Variants in GLIPR2 observed in about 807,000 individuals in gnomAD.
The protein encoded by GLIPR2 is GLI pathogenesis related 2.
GLIPR2 carries 21 observed loss-of-function variants against 20.4 expected under a neutral mutation model. The ratio of observed to expected loss-of-function variants is 1.03; its 90% confidence interval spans 0.73 to 1.48. GLIPR2 has a LOEUF of 1.48. Ranked by LOEUF, GLIPR2 falls within the 40% of genes most tolerant of loss-of-function variation. GLIPR2 has a pLI of 0.00. For synonymous variants in GLIPR2, 91 were observed against 80.5 expected, an observed-to-expected ratio of 1.13 and a Z score of -0.70; for missense variants, 205 against 200.1, an observed-to-expected ratio of 1.02 and a Z score of -0.15.
chr9:36,150,918 C>T lies in GLIPR2; in HGVS notation c.273C>T (p.Asn91=), dbSNP rs1239930114. The change falls in exon 4 of 5, where the codon AAC becomes AAT. Residue 91 remains asparagine (N), a synonymous_variant. Transcript: ENST00000377960. ...GGTACAGTGAAATCAAGAACTATAA[C>T]TTCCAGCAGCCTGGCTTCACCTCGG... ...DRWYSEIKNY[N]FQQPGFTSGT... is the part of the protein sequence containing the mutation. The T allele has an allele frequency of 1.9e-6, 3 of 1,613,810 alleles. No individual in the cohort carries two copies. Among genetic ancestry groups the T allele is most frequent in the Non-Finnish European group, 2.5e-6 (3 of 1,179,832 alleles).
At chr9:36,148,259 AAC>A (rs997599455) in intron 2 of GLIPR2, among the ~76,000 whole-genome samples, 5 of 151,630 alleles carry the variant, frequency 3.3e-5, no homozygotes, top group African/African-American at 9.7e-5. Context: ...AAAAAAAAAA[AAC>A]GTTGGGGGGC....
rs1825554196 is a variant in GLIPR2 at position 36,150,859 on chromosome 9, C to CT, written c.227-13_227-12insT. The CT allele has an allele frequency of 1.2e-6, 2 of 1,601,008 alleles. No homozygotes were observed. Among genetic ancestry groups the CT allele is most frequent in the Admixed American group, 3.4e-5 (2 of 59,616 alleles). On this transcript the variant is annotated splice_polypyrimidine_tract_variant and intron_variant, in intron 3 of 4. Coordinates refer to ENST00000377960, the MANE Select transcript of GLIPR2 (RefSeq NM_022343.4). ...TTGTGGCTGAGTTTTAGAACAATGT[C>CT]ATTTCCACACAGGAAAGGAGGTGGC...
Position 36,147,857 on chromosome 9 carries a change from C to G in GLIPR2, c.85C>G (p.Leu29Val). The change falls in exon 2 of 5, where the codon CTG becomes GTG. Residue 29 changes from leucine (L) to valine (V), a missense_variant. Transcript: ENST00000377960. ...EYRQKHGVPPLKLCKNLNREA... is the reference protein window; with the variant it reads ...EYRQKHGVPPVKLCKNLNREA... Reference sequence around the variant, plus strand: ...CCGGCAGAAGCACGGCGTCCCCCCACTGAAGCTCTGCAAGAACCTCAACCG... The same window carrying G: ...CCGGCAGAAGCACGGCGTCCCCCCAGTGAAGCTCTGCAAGAACCTCAACCG... The G allele has an allele frequency of 1.3e-6, 2 of 1,591,372 alleles. No homozygotes were observed. The highest frequency in any genetic ancestry group is 1.7e-6 in the Non-Finnish European group (2 of 1,159,246).
rs184118012 is a variant in GLIPR2, at chr9:36,162,995, C to G, written c.*473C>G. The G allele has an allele frequency of 6.7e-5, 29 of 434,064 alleles. No individual in the cohort carries two copies. The East Asian group carries it at 2.1e-3, about 31-fold the overall frequency. The allele number at this position is 434,064 out of a possible 1,614,324, so 26.9% of individuals were successfully genotyped here. On this transcript the variant is annotated 3_prime_UTR_variant, in exon 5 of 5. Coordinates refer to ENST00000377960, the MANE Select transcript of GLIPR2 (RefSeq NM_022343.4). The stretch of plus-strand genomic sequence containing the variant: ...ATGTGACATAAAATACAGCTTTAAG[C>G]ACATAAATACAAAGCAGCTTCCATC...
At chr9:36,158,914 A>T (rs1437704102) in intron 4 of GLIPR2, among the ~76,000 whole-genome samples, 1 of 152,048 alleles carries the variant, frequency 6.6e-6, no homozygotes, top group East Asian at 1.9e-4. Context: ...AAGATACAAA[A>T]ATTAGCTGGG....
At position 36,162,549 on chromosome 9, in the gene GLIPR2, A is replaced by G. The variant is rs1563891976; in HGVS notation, c.*27A>G. On this transcript the variant is annotated 3_prime_UTR_variant, in exon 5 of 5. Coordinates refer to ENST00000377960, the MANE Select transcript of GLIPR2 (RefSeq NM_022343.4). ...TTGTTAAATGTAATGGGAAGGTGGCAGACTTAAGAACGTGGATATGAAGTG... is the reference window on the plus strand; with the variant it reads ...TTGTTAAATGTAATGGGAAGGTGGCGGACTTAAGAACGTGGATATGAAGTG... 1.2e-6 allele frequency: 2 copies of G among 1,612,032 alleles called. No individual in the cohort carries two copies. The highest frequency in any genetic ancestry group is 1.7e-6 in the Non-Finnish European group (2 of 1,178,948).
chr9:36,146,733 C>T (rs1436229703), intron 1 of GLIPR2, among the ~76,000 whole-genome samples: 3 of 152,168 alleles, frequency 2.0e-5, no homozygotes, highest in African/African-American at 7.2e-5. Context: ...GAGAATAATC[C>T]TCTTTGATTC....
chr9:36,153,078 A>G (rs572111725), intron 4 of GLIPR2, among the ~76,000 whole-genome samples: 2 of 141,724 alleles, frequency 1.4e-5, no homozygotes, highest in African/African-American at 5.3e-5. Flanking sequence ...CCGTGAGCGG[A>G]GATCGCCCAC....
rs1259249824 is a variant in GLIPR2 at position 36,136,901 on chromosome 9, G to A, written c.13+110G>A. 8.4e-7 allele frequency: 1 copy of A among 1,189,948 alleles called. No individual in the cohort carries two copies. The highest frequency in any genetic ancestry group is 1.1e-6 in the Non-Finnish European group (1 of 950,004). 73.7% of individuals were successfully genotyped at this position (1,189,948 alleles called of 1,614,324 possible). On this transcript the variant is annotated intron_variant, in intron 1 of 4. Transcript: ENST00000377960. This position sits in a 1 kb window ranked among gnomAD's most constrained non-coding sequence, Gnocchi z 4.3. ...AGGTCCTGGGGAGTGCGGGAGCCCG[G>A]GGTGCGGGTGGAGGGCGCGCGGGCG... is the stretch of plus-strand genomic sequence containing the variant.
chr9:36,142,449 C>T (rs1587130483), intron 1 of GLIPR2, among the ~76,000 whole-genome samples: 1 of 152,314 alleles, frequency 6.6e-6, no homozygotes. Context: ...AAGGTCATGG[C>T]AGCTCCCACA....
intron 1 of GLIPR2, among the ~76,000 whole-genome samples, chr9:36,143,647 T>C (rs1017117799): frequency 1.3e-5 from 2 of 152,164 alleles, no homozygotes; most frequent in Admixed American, 1.3e-4. Context: ...GGGTCAGTTG[T>C]TCATCTTGTC....
upstream of GLIPR2, chr9:36,136,647 A>G (rs961473867): frequency 1.2e-4 from 75 of 627,166 alleles, no homozygotes; most frequent in East Asian, 2.8e-3. The surrounding 1 kb of genome is among the most constrained non-coding windows in gnomAD (Gnocchi z 4.3). Context: ...GTCGCTCCTT[A>G]TAAGGCGGGG....
At chr9:36,138,030 G>T (rs568820899) in intron 1 of GLIPR2, among the ~76,000 whole-genome samples, 1 of 152,226 alleles carries the variant, frequency 6.6e-6, no homozygotes, top group African/African-American at 2.4e-5. Flanking sequence ...GAGGGTGGCC[G>T]TATGAGCCCT....
intron 3 of GLIPR2, among the ~76,000 whole-genome samples, chr9:36,149,534 C>T (rs544746440): frequency 7.9e-5 from 12 of 152,316 alleles, no homozygotes; most frequent in African/African-American, 1.2e-4. Context: ...CTGTGGCCCT[C>T]GATGGGCCCC....
intron 1 of GLIPR2, among the ~76,000 whole-genome samples, chr9:36,138,960 C>G (rs193149970): frequency 3.9e-5 from 6 of 152,018 alleles, no homozygotes; most frequent in Non-Finnish European, 7.4e-5. Context: ...GTAACTAGAG[C>G]GTTGCCAGGG....
intron 1 of GLIPR2, among the ~76,000 whole-genome samples, chr9:36,140,553 T>C (rs1825025777): frequency 6.6e-6 from 1 of 151,666 alleles, no homozygotes. Context: ...GGCTGGAAAA[T>C]GGCTGCCTCC....
chr9:36,138,186 A>G (rs1381339791), intron 1 of GLIPR2, among the ~76,000 whole-genome samples: 1 of 152,106 alleles, frequency 6.6e-6, no homozygotes, highest in Non-Finnish European at 1.5e-5. Context: ...CTCTGTAGAA[A>G]TTTGTGGAGA....
Position 36,147,877 on chromosome 9 carries a change from C to T in GLIPR2, c.105C>T (p.Leu35=). 1.9e-6 allele frequency: 3 copies of T among 1,552,758 alleles called. No homozygotes were observed. Among genetic ancestry groups the T allele is most frequent in the Admixed American group, 1.7e-5 (1 of 59,958 alleles). ...GVPPLKLCKN[L]NREAQQYSEA... is the part of the protein sequence containing the mutation. ...CCCCACTGAAGCTCTGCAAGAACCT[C>T]AACCGGGAGGCTCAACAGTGAGTCC... is the stretch of plus-strand genomic sequence containing the variant. The change falls in exon 2 of 5, where the codon CTC becomes CTT. Residue 35 remains leucine (L), a synonymous_variant. Transcript: ENST00000377960.
chr9:36,139,761 A>T (rs1587125935), intron 1 of GLIPR2, among the ~76,000 whole-genome samples: 1 of 152,190 alleles, frequency 6.6e-6, no homozygotes, highest in East Asian at 1.9e-4. Flanking sequence ...CAGCTGGCAC[A>T]GTTGAAATTC....
Sources: gnomAD v4.1 joint callset for allele counts (sites outside exome capture counted in the v4.1 genomes callset) on GRCh38, gnomAD v4.1.1 for gene constraint, Gnocchi (gnomAD v3.1) non-coding constraint, MANE v1.5 for transcripts, NCBI Gene and HGNC (gene_info 2026-07-23, HGNC 2026-07-21) for gene names.